ACAP2: variants seen among roughly 807,000 people sequenced by gnomAD.
ACAP2 encodes the protein ArfGAP with coiled-coil, ankyrin repeat and PH domains 2, also known as arf-GAP with coiled-coil, ANK repeat and PH domain-containing protein 2.
In ACAP2, 39 loss-of-function variants were observed where a neutral mutation model predicts 115.8. The observed-to-expected ratio is 0.34, with a 90% CI of 0.26 to 0.44. The LOEUF (loss-of-function observed/expected upper bound fraction) is 0.44. Among genes scored for constraint, ACAP2 ranks in the 20% least tolerant of loss-of-function variants. ACAP2 has a pLI of 1.00. For missense variants in ACAP2, 662 were observed against 927.6 expected, an observed-to-expected ratio of 0.71 and a Z score of 3.72; for synonymous variants, 289 against 315.8, an observed-to-expected ratio of 0.92 and a Z score of 0.90.
intron 22 of ACAP2, among the ~76,000 whole-genome samples, chr3:195,281,359 C>G (rs1446757456): frequency 1.3e-5 from 2 of 151,820 alleles, no homozygotes; most frequent in African/African-American, 2.4e-5. Flanking sequence ...GAGCCAAGAT[C>G]GCGCCACTGC....
intron 4 of ACAP2, among the ~76,000 whole-genome samples, chr3:195,373,843 T>C (rs148457836): frequency 0.013 from 1,955 of 152,128 alleles, 31 homozygotes; most frequent in African/African-American, 0.043. Context: ...GAGAACTGCT[T>C]GAGCCCAAGA....
At chr3:195,287,579 A>G (rs1313807815) in intron 21 of ACAP2, among the ~76,000 whole-genome samples, 2 of 152,096 alleles carry the variant, frequency 1.3e-5, no homozygotes, top group Admixed American at 1.3e-4. Flanking sequence ...CAATCTCCTG[A>G]GTAGCTTGGA....
At chr3:195,426,091 C>G (rs957196319) in intron 1 of ACAP2, among the ~76,000 whole-genome samples, 2 of 152,186 alleles carry the variant, frequency 1.3e-5, no homozygotes, top group Non-Finnish European at 2.9e-5. Context: ...TAATGCCTAA[C>G]ATGACCTCAT....
Position 195,297,324 on chromosome 3 carries a change from G to T in ACAP2, c.1396-43C>A, listed in dbSNP as rs778845379. ...ATAGAAAAATAAGCTATACATTAAA[G>T]ACCTTAAAATAAGCTAAAATTTAAA... On this transcript the variant is annotated intron_variant, in intron 15 of 22. Coordinates refer to ENST00000326793, the MANE Select transcript of ACAP2 (RefSeq NM_012287.6). 3.2e-6 allele frequency: 5 copies of T among 1,547,894 alleles called. No homozygotes were observed. In the Admixed American group the frequency reaches 7.2e-5, roughly 22 times the overall value.
intron 10 of ACAP2, chr3:195,313,044 A>T (rs760192743): frequency 2.6e-5 from 4 of 152,244 alleles, no homozygotes; most frequent in Non-Finnish European, 4.4e-5. Flanking sequence ...AAATGTGCAA[A>T]ATAAGCAAAG....
Position 195,365,815 on chromosome 3 carries a change from C to CCT in ACAP2, c.285+15192_285+15193dup, listed in dbSNP as rs1289190337. Among the ~76,000 whole-genome samples the CCT allele has an allele frequency of 3.3e-5, 5 of 151,166 alleles. No homozygotes were observed. In the East Asian group the frequency reaches 9.7e-4, roughly 29 times the overall value. The stretch of plus-strand genomic sequence containing the variant: ...AATATGTCAATGAATATTATTTATT[C>CCT]CTCTCTACTTCATCTGCCTATAGTA... On this transcript the variant is annotated intron_variant, in intron 4 of 22. Transcript: ENST00000326793.
At chr3:195,380,909 C>T in intron 4 of ACAP2, 100 bp downstream of exon 4, 1 of 1,036,074 alleles carries the variant, frequency 9.7e-7, no homozygotes, top group African/African-American at 1.6e-5. Flanking sequence ...CCAATCAAAG[C>T]CATGTAATTC....
intron 1 of ACAP2, 48 bp downstream of exon 1, chr3:195,442,747 C>T: frequency 6.6e-7 from 1 of 1,522,144 alleles, no homozygotes; most frequent in South Asian, 1.2e-5. Context: ...ACGCCCCCAG[C>T]GCCGGGAAGG....
intron 4 of ACAP2, among the ~76,000 whole-genome samples, chr3:195,366,318 A>G (rs1435811978): frequency 6.6e-6 from 1 of 152,258 alleles, no homozygotes; most frequent in Non-Finnish European, 1.5e-5. Context: ...AGTTTGCCAG[A>G]TGATTCTGTT....
At chr3:195,374,917 C>A (rs1460144231) in intron 4 of ACAP2, among the ~76,000 whole-genome samples, 4 of 151,892 alleles carry the variant, frequency 2.6e-5, no homozygotes, top group African/African-American at 7.3e-5. Flanking sequence ...CTGGACCATG[C>A]GTACTGGCTC....
intron 4 of ACAP2, among the ~76,000 whole-genome samples, chr3:195,375,447 T>C (rs1343837736): frequency 1.4e-5 from 2 of 148,010 alleles, no homozygotes; most frequent in Non-Finnish European, 3.0e-5. Context: ...CTGTTCTCAC[T>C]GCCTAAAACC....
intron 21 of ACAP2, among the ~76,000 whole-genome samples, chr3:195,287,858 C>A (rs1024918340): frequency 5.9e-5 from 9 of 152,126 alleles, no homozygotes; most frequent in African/African-American, 2.2e-4. Flanking sequence ...AATCCTAGCA[C>A]TTTGGGAGGC....
At chr3:195,279,770 CCTT>C (rs1449034108) in intron 22 of ACAP2, 1 of 161,320 alleles carries the variant, frequency 6.2e-6, no homozygotes, top group Non-Finnish European at 1.3e-5. Flanking sequence ...GTAAATGAGA[CCTT>C]CTTTAAATAA....
At chr3:195,342,337 T>C (rs1730931481) in intron 6 of ACAP2, 134 bp downstream of exon 6, 2 of 849,654 alleles carry the variant, frequency 2.4e-6, no homozygotes, top group South Asian at 2.6e-5. Flanking sequence ...CAGATGGAAA[T>C]TTTCCACCTA....
At chr3:195,360,213 A>G (rs1489896299) in intron 4 of ACAP2, among the ~76,000 whole-genome samples, 1 of 152,230 alleles carries the variant, frequency 6.6e-6, no homozygotes, top group East Asian at 1.9e-4. Context: ...ACCAAAAGGA[A>G]CAGAAACAGC....
chr3:195,407,239 T>C lies in ACAP2; in HGVS notation c.54-15092A>G, dbSNP rs116646481. ...AAGCCACGGGTGGTAGCTCCATGTC[T>C]ATAATCCCAGCACTTTGGGAAACTG... On this transcript the variant is annotated intron_variant, in intron 1 of 22. Transcript: ENST00000326793. Among the ~76,000 whole-genome samples the C allele has an allele frequency of 6.7e-3, 1,003 of 150,256 alleles. 13 individuals carry two copies. The highest frequency in any genetic ancestry group is 0.035 in the Middle Eastern group (10 of 282).
At chr3:195,434,505 G>A (rs1338105219) in intron 1 of ACAP2, among the ~76,000 whole-genome samples, 3 of 152,208 alleles carry the variant, frequency 2.0e-5, no homozygotes, top group African/African-American at 4.8e-5. Flanking sequence ...CAAAGTGCTG[G>A]GAATATAGGC....
At chr3:195,378,793 G>A (rs1250828235) in intron 4 of ACAP2, among the ~76,000 whole-genome samples, 15 of 148,674 alleles carry the variant, frequency 1.0e-4, no homozygotes, top group East Asian at 6.1e-4. Context: ...CCCGGGAGGC[G>A]GAGGCTGCAG....
At chr3:195,417,276 C>A (rs1713812754) in intron 1 of ACAP2, among the ~76,000 whole-genome samples, 1 of 151,732 alleles carries the variant, frequency 6.6e-6, no homozygotes, top group Admixed American at 6.6e-5. Flanking sequence ...AGCTTTCAGA[C>A]TGCCTAATGA....
Sources: gnomAD v4.1 joint callset for allele counts (sites outside exome capture counted in the v4.1 genomes callset) on GRCh38, gnomAD v4.1.1 for gene constraint, MANE v1.5 for transcripts, NCBI Gene and HGNC (gene_info 2026-07-23, HGNC 2026-07-21) for gene names.